Variants in CCDC3 observed in about 807,000 individuals in gnomAD.
CCDC3 encodes the protein coiled-coil domain-containing protein 3.
Under a neutral mutation model 21.4 loss-of-function variants are expected in CCDC3, and 24 were observed. The ratio of observed to expected loss-of-function variants is 1.12; its 90% CI spans 0.81 to 1.58. The LOEUF is 1.58. Among genes scored for constraint, CCDC3 ranks in the 40% most tolerant of loss-of-function variants. The pLI, the probability that CCDC3 is intolerant of heterozygous loss-of-function variation, is 0.00. For synonymous variants in CCDC3, 186 were observed against 166.0 expected (o/e 1.12, Z -0.93); for missense variants, 425 against 360.9 (o/e 1.18, Z -1.44).
chr10:12,925,082 G>C (rs1188698059), intron 2 of CCDC3, among the ~76,000 whole-genome samples: 1 of 152,112 alleles, frequency 6.6e-6, no homozygotes, highest in Non-Finnish European at 1.5e-5. Context: ...TACCCTACAG[G>C]GTAAAGGCAC....
chr10:13,043,687 A>T (rs183795269), intron 5 of CCDC3, among the ~76,000 whole-genome samples: 37 of 152,350 alleles, frequency 2.4e-4, no homozygotes, highest in African/African-American at 8.4e-4. Context: ...ACATGATTTC[A>T]TTCTTTTTCC....
At chr10:13,011,899 C>G (rs1022788642) in intron 5 of CCDC3, among the ~76,000 whole-genome samples, 1 of 152,096 alleles carries the variant, frequency 6.6e-6, no homozygotes, top group African/African-American at 2.4e-5. Context: ...AGGCACACAC[C>G]TACAACCATC....
intron 5 of CCDC3, among the ~76,000 whole-genome samples, chr10:13,012,292 C>T (rs1006753073): frequency 6.6e-6 from 1 of 152,120 alleles, no homozygotes; most frequent in Non-Finnish European, 1.5e-5. Context: ...ACAAACTATA[C>T]ATCTAATAAA....
At chr10:13,043,719 T>G (rs1163659538) in intron 5 of CCDC3, among the ~76,000 whole-genome samples, 3 of 152,230 alleles carry the variant, frequency 2.0e-5, no homozygotes, top group Admixed American at 1.3e-4. Context: ...TATTCCCTGG[T>G]GCATATGTAC....
chr10:13,074,309 C>G (rs1836930468), intron 3 of CCDC3, among the ~76,000 whole-genome samples: 1 of 143,528 alleles, frequency 7.0e-6, no homozygotes, highest in Admixed American at 7.0e-5. Flanking sequence ...AGGCATGCAC[C>G]ACCATATCCC....
Position 13,001,540 on chromosome 10 carries a change from A to T in CCDC3, c.31T>A (p.Cys11Ser). Residue 11 changes from cysteine to serine, a missense_variant, in exon 1 of 3, where the codon TGC becomes AGC. Cys to Ser is a moderately radical substitution (Grantham distance 112). Transcript: ENST00000378825. MLRQLLLAAL[C>S]LAGPPAPARA... ...GCGGGCGCTGGGGGACCCGCCAGGC[A>T]GAGCGCGGCGAGCAGCAGCTGGCGC... 1 of 1,280,326 alleles carries T rather than the reference A, an allele frequency of 7.8e-7. No homozygotes were observed. The highest frequency in any genetic ancestry group is 9.8e-7 in the Non-Finnish European group (1 of 1,015,366). 79.3% of individuals were successfully genotyped at this position (1,280,326 alleles called of 1,614,324 possible).
At chr10:12,917,671 A>G (rs1834381248) in intron 2 of CCDC3, among the ~76,000 whole-genome samples, 1 of 152,192 alleles carries the variant, frequency 6.6e-6, no homozygotes, top group Non-Finnish European at 1.5e-5. Context: ...TTCTTGGAAC[A>G]CAGTGTCTTT....
chr10:12,971,617 C>T (rs1835345209), intron 2 of CCDC3, among the ~76,000 whole-genome samples: 1 of 152,176 alleles, frequency 6.6e-6, no homozygotes, highest in African/African-American at 2.4e-5. Context: ...GTTGTAACAG[C>T]TCCTTTGCTG....
intron 2 of CCDC3, among the ~76,000 whole-genome samples, chr10:12,971,032 T>C (rs920976481): frequency 6.6e-6 from 1 of 152,256 alleles, no homozygotes; most frequent in Non-Finnish European, 1.5e-5. Context: ...TGATGTAATG[T>C]CAAGGCTTAA....
intron 4 of CCDC3, among the ~76,000 whole-genome samples, chr10:13,065,800 A>G (rs1032482420): frequency 5.9e-5 from 9 of 152,212 alleles, no homozygotes; most frequent in Non-Finnish European, 1.3e-4. Context: ...TCATACATCA[A>G]TGTCATATAT....
chr10:12,948,385 TGGA>T (rs1408066164), intron 2 of CCDC3, among the ~76,000 whole-genome samples: 1 of 152,066 alleles, frequency 6.6e-6, no homozygotes, highest in Non-Finnish European at 1.5e-5. Flanking sequence ...ACTCAGGATA[TGGA>T]GGAGACCAGG....
intron 2 of CCDC3, among the ~76,000 whole-genome samples, chr10:12,911,795 A>C (rs771082877): frequency 6.6e-6 from 1 of 152,186 alleles, no homozygotes; most frequent in Non-Finnish European, 1.5e-5. Flanking sequence ...GTACCCTTTG[A>C]ACAGCATCTT....
chr10:12,978,852 T>A (rs933795036), intron 2 of CCDC3, among the ~76,000 whole-genome samples: 1 of 152,192 alleles, frequency 6.6e-6, no homozygotes, highest in Admixed American at 6.5e-5. Context: ...TCTTCCTTCA[T>A]TTTTTAATAT....
intron 2 of CCDC3, among the ~76,000 whole-genome samples, chr10:12,953,518 C>A (rs532792291): frequency 6.6e-6 from 1 of 152,362 alleles, no homozygotes; most frequent in South Asian, 2.1e-4. Flanking sequence ...AACAGAAGAT[C>A]TGTGGTTGAT....
chr10:12,984,544 C>T (rs115706853), intron 2 of CCDC3, among the ~76,000 whole-genome samples: 2,854 of 152,266 alleles, frequency 0.019, 83 homozygotes, highest in African/African-American at 0.064. Flanking sequence ...CCAGCAATTC[C>T]GCTCCTAGTT....
intron 2 of CCDC3, among the ~76,000 whole-genome samples, chr10:12,991,838 G>A (rs1397848173): frequency 1.3e-5 from 2 of 152,072 alleles, no homozygotes; most frequent in African/African-American, 4.8e-5. Context: ...ACCCAAAAAG[G>A]GCTGAATCAT....
chr10:12,966,649 A>C (rs752679378), intron 2 of CCDC3, among the ~76,000 whole-genome samples: 51 of 152,194 alleles, frequency 3.4e-4, no homozygotes, highest in African/African-American at 1.2e-3. Context: ...GTGCCTCCTA[A>C]GTCCATCTAA....
chr10:12,929,104 A>G (rs758732097), intron 2 of CCDC3, among the ~76,000 whole-genome samples: 57 of 152,202 alleles, frequency 3.7e-4, no homozygotes, highest in Admixed American at 5.9e-4. Flanking sequence ...TCTACTAAAA[A>G]TACAAAAATT....
At chr10:12,949,032 G>A (rs1834969842) in intron 2 of CCDC3, among the ~76,000 whole-genome samples, 2 of 152,022 alleles carry the variant, frequency 1.3e-5, no homozygotes, top group African/African-American at 4.8e-5. Flanking sequence ...ATGACATTAT[G>A]GGGATACCTA....
Sources: gnomAD v4.1 joint callset for allele counts (sites outside exome capture counted in the v4.1 genomes callset) on GRCh38, gnomAD v4.1.1 for gene constraint, MANE v1.5 for transcripts, NCBI Gene and HGNC (gene_info 2026-07-23, HGNC 2026-07-21) for gene names.